TARDBP: variants seen among roughly 807,000 people sequenced by gnomAD.
TARDBP encodes TAR DNA binding protein.
In TARDBP, 4 loss-of-function variants were observed where a neutral mutation model predicts 38.3. The ratio of observed to expected loss-of-function variants is 0.10; its 90% CI spans 0.05 to 0.24. TARDBP has a LOEUF of 0.24. TARDBP is among the 10% of genes least tolerant of loss of function. TARDBP has a pLI of 1.00. For missense variants in TARDBP, 202 were observed against 521.9 expected, an observed-to-expected ratio of 0.39 and a Z score of 5.97; for synonymous variants, 184 against 183.8, an observed-to-expected ratio of 1.00 and a Z score of -0.01.
intron 2 of TARDBP, 74 bp downstream of exon 2, chr1:11,014,039 T>G (rs1175907676): frequency 1.4e-6 from 2 of 1,448,744 alleles, no homozygotes; most frequent in Non-Finnish European, 1.9e-6. Context: ...GATCTTAGCC[T>G]CTTTTGGTGG....
In TARDBP at chr1:11,022,067, TTAAA is replaced by T. The variant is rs1643649780; in HGVS notation, c.715-54_715-51del. The T allele has an allele frequency of 6.2e-7, 1 of 1,601,266 alleles. No individual in the cohort carries two copies. Among genetic ancestry groups the T allele is most frequent in the East Asian group, 2.2e-5 (1 of 44,822 alleles). On this transcript the variant is annotated intron_variant, in intron 5 of 5. Transcript: ENST00000240185. This position sits in a 1 kb window ranked among gnomAD's most constrained non-coding sequence, Gnocchi z 4.5. ...TTGTAATCTAAGTTTTGTTGCTACT[TTAAA>T]TATATGAATCAGTGGTTTAATCTTC...
chr1:11,021,232 G>C (rs888390616), intron 5 of TARDBP, among the ~76,000 whole-genome samples: 1 of 151,950 alleles, frequency 6.6e-6, no homozygotes, highest in Admixed American at 6.6e-5. Context: ...TCCACCTCAT[G>C]GGTTCAAGCG....
At chr1:11,021,051 T>TGATATCACA (rs1643627364) in intron 5 of TARDBP, among the ~76,000 whole-genome samples, 1 of 152,230 alleles carries the variant, frequency 6.6e-6, no homozygotes, top group South Asian at 2.1e-4. Context: ...TACCTGTATC[T>TGATATCACA]GATATCACAA....
chr1:11,015,997 G>C (rs1056452657), intron 2 of TARDBP: 1 of 152,048 alleles, frequency 6.6e-6, no homozygotes, highest in Non-Finnish European at 1.5e-5. Context: ...GAGTGCAGTG[G>C]CACGATCTTG....
chr1:11,020,645 A>G, intron 5 of TARDBP, 46 bp downstream of exon 5: 1 of 1,555,490 alleles, frequency 6.4e-7, no homozygotes, highest in Non-Finnish European at 8.6e-7. Flanking sequence ...GTGGTGGCTC[A>G]TGCTTACAAT....
chr1:11,021,268 A>ATTGACCTGGTGCCT (rs1643633166), intron 5 of TARDBP, among the ~76,000 whole-genome samples: 1 of 151,766 alleles, frequency 6.6e-6, no homozygotes, highest in South Asian at 2.1e-4. Flanking sequence ...CCTCCTGAGT[A>ATTGACCTGGTGCCT]GCTGGGATTA....
chr1:11,014,097 A>G (rs1643468275), intron 2 of TARDBP, 132 bp downstream of exon 2: 4 of 935,916 alleles, frequency 4.3e-6, no homozygotes, highest in Non-Finnish European at 7.1e-6. Context: ...TCAGTGTTAG[A>G]CAAGTTTGGA....
In TARDBP at chr1:11,023,258, C is replaced by G. The variant is rs1458439124; in HGVS notation, c.*604C>G. 3 of 1,550,150 alleles carry G rather than the reference C, an allele frequency of 1.9e-6. No homozygotes were observed. Among genetic ancestry groups the G allele is most frequent in the Non-Finnish European group, 2.6e-6 (3 of 1,146,674 alleles). On this transcript the variant is annotated 3_prime_UTR_variant, in exon 6 of 6. Coordinates refer to ENST00000240185, the MANE Select transcript of TARDBP (RefSeq NM_007375.4). ...GAAAGTAGTGCTGTAAATATTCTGC[C>G]ATAGGAATACTGTCTACATGCTTTC...
At position 11,013,923 on chromosome 1, in the gene TARDBP, G is replaced by A; in HGVS notation, c.196G>A (p.Ala66Thr). ...LVEGILHAPD[A>T]GWGNLVYVVN... ...AGAAGGAATTCTGCATGCCCCAGAT[G>A]CTGGCTGGGGAAATCTGGTGTATGT... is the stretch of plus-strand genomic sequence containing the variant. The change falls in exon 2 of 6, where the codon GCT becomes ACT. Residue 66 changes from alanine to threonine, a missense_variant. Coordinates refer to ENST00000240185, the MANE Select transcript of TARDBP (RefSeq NM_007375.4). The A allele has an allele frequency of 6.2e-7, 1 of 1,614,206 alleles. No individual in the cohort carries two copies. The highest frequency in any genetic ancestry group is 8.5e-7 in the Non-Finnish European group (1 of 1,180,034).
downstream of TARDBP, chr1:11,030,421 T>G: frequency 1.7e-6 from 1 of 599,624 alleles, no homozygotes; most frequent in Non-Finnish European, 2.9e-6. Flanking sequence ...ATTACCATGT[T>G]TGCTTGCAAA....
intron 3 of TARDBP, 41 bp from the exon 4 acceptor site, chr1:11,018,692 G>A (rs780215765): frequency 5.6e-6 from 9 of 1,613,790 alleles, no homozygotes; most frequent in African/African-American, 1.3e-5. Flanking sequence ...GAGTGTGTGA[G>A]TATGTGCACT....
rs1397400089 is a variant in TARDBP at position 11,020,464 on chromosome 1, G to A, written c.579G>A (p.Val193=). The A allele has an allele frequency of 6.2e-7, 1 of 1,614,010 alleles. No individual in the cohort carries two copies. Among genetic ancestry groups the A allele is most frequent in the Non-Finnish European group, 8.5e-7 (1 of 1,180,034 alleles). The change falls in exon 5 of 6, where the codon GTG becomes GTA. Residue 193 remains valine, a synonymous_variant. Coordinates refer to ENST00000240185, the MANE Select transcript of TARDBP (RefSeq NM_007375.4). ...SQDEPLRSRK[V]FVGRCTEDMT... is the part of the protein sequence containing the mutation. ...ATGAGCCTTTGAGAAGCAGAAAAGT[G>A]TTTGTGGGGCGCTGTACAGAGGACA...
downstream of TARDBP, chr1:11,029,853 G>A (rs1643812163): frequency 1.7e-5 from 3 of 181,344 alleles, no homozygotes; most frequent in South Asian, 2.5e-4. Flanking sequence ...GGTCAGGCTG[G>A]CCTCAGGTGA....
downstream of TARDBP, chr1:11,026,672 C>T (rs953451228): frequency 5.2e-6 from 2 of 388,266 alleles, no homozygotes; most frequent in African/African-American, 2.1e-5. Flanking sequence ...GACTGTCACT[C>T]TCGTGGTTTA....
Position 11,023,205 on chromosome 1 carries a change from C to G in TARDBP, c.*551C>G, listed in dbSNP as rs750948407. ...TTAATCTCTGCAGTTCATCTCATTT[C>G]AAATGTTTATGGAAGAAGCACTTCA... On this transcript the variant is annotated 3_prime_UTR_variant, in exon 6 of 6. Coordinates refer to ENST00000240185, the MANE Select transcript of TARDBP (RefSeq NM_007375.4). 3.9e-6 allele frequency: 6 copies of G among 1,550,280 alleles called. No homozygotes were observed. In the Admixed American group the frequency reaches 5.9e-5, roughly 15 times the overall value.
At chr1:11,028,450 T>A (rs1043691625), downstream of TARDBP, among the ~76,000 whole-genome samples, 1 of 152,328 alleles carries the variant, frequency 6.6e-6, no homozygotes, top group East Asian at 1.9e-4. Context: ...ATTAGAATGT[T>A]GCAGTTGTGG....
At position 11,025,042 on chromosome 1, in the gene TARDBP, ATTT is replaced by A. The variant is rs987560011; in HGVS notation, c.*2396_*2398del. 6.6e-6 allele frequency: 1 copy of A among 150,550 alleles called. No homozygotes were observed. Among genetic ancestry groups the A allele is most frequent in the African/African-American group, 2.4e-5 (1 of 40,862 alleles). 9.3% of individuals were successfully genotyped at this position (150,550 alleles called of 1,614,324 possible). ...TGTAAAGGGATCTTGAGTTGTTTTA[ATTT>A]TTTTTTTCTGCATCTGAATCTGCAT... is the stretch of plus-strand genomic sequence containing the variant. On this transcript the variant is annotated 3_prime_UTR_variant, in exon 6 of 6. Coordinates refer to ENST00000240185, the MANE Select transcript of TARDBP (RefSeq NM_007375.4).
rs1424056160 is a variant in TARDBP at position 11,013,981 on chromosome 1, G to GT, written c.238+21dup. The GT allele has an allele frequency of 1.2e-6, 2 of 1,613,398 alleles. No homozygotes were observed. The highest frequency in any genetic ancestry group is 1.7e-6 in the Non-Finnish European group (2 of 1,179,446). ...TATCCAAAAGGTTTGTTACCATTTG[G>GT]TTTTTGTAATCATGCTGAAGTGTGT... On this transcript the variant is annotated intron_variant, in intron 2 of 5. Coordinates refer to ENST00000240185, the MANE Select transcript of TARDBP (RefSeq NM_007375.4).
At chr1:11,020,705 A>C (rs1643619459) in intron 5 of TARDBP, 106 bp downstream of exon 5, 5 of 1,215,396 alleles carry the variant, frequency 4.1e-6, no homozygotes, top group Non-Finnish European at 6.0e-6. Context: ...CAGGAGATCA[A>C]GACCATCCTG....
Sources: allele counts gnomAD v4.1 joint callset (sites outside exome capture counted in the v4.1 genomes callset), GRCh38; gene constraint gnomAD v4.1.1; non-coding constraint Gnocchi (gnomAD v3.1); transcripts MANE v1.5; gene names NCBI Gene and HGNC (gene_info 2026-07-23, HGNC 2026-07-21).